The following ZBTB16 variants were observed in gnomAD, a reference collection of about 807,000 sequenced individuals.
ZBTB16 encodes the protein zinc finger and BTB domain-containing protein 16.
Under a neutral mutation model 56.8 loss-of-function variants are expected in ZBTB16, and 8 were observed. The observed-to-expected ratio is 0.14, with a 90% CI of 0.08 to 0.25. The LOEUF is 0.25. Ranked by LOEUF, ZBTB16 falls within the 10% of genes least tolerant of loss-of-function variation. The probability of loss-of-function intolerance (pLI) is 1.00; values close to 1 mark genes in which losing one functional copy is unlikely to be tolerated. For synonymous variants in ZBTB16, 363 were observed against 368.5 expected (o/e 0.98, Z 0.17); for missense variants, 625 against 903.0 (o/e 0.69, Z 3.95).
chr11:114,084,855 A>AT (rs1374998006), intron 2 of ZBTB16, among the ~76,000 whole-genome samples: 1 of 152,212 alleles, frequency 6.6e-6, no homozygotes, highest in Admixed American at 6.5e-5. Context: ...TAAATCCTGC[A>AT]TCCCGTTTTT....
intron 2 of ZBTB16, among the ~76,000 whole-genome samples, chr11:114,153,355 A>G (rs910112265): frequency 6.6e-6 from 1 of 152,214 alleles, no homozygotes; most frequent in Admixed American, 6.5e-5. Context: ...CTTGTACTTC[A>G]TGTGAAATCA....
At position 114,235,069 on chromosome 11, in the gene ZBTB16, T is replaced by C. The variant is rs150235405; in HGVS notation, c.1454-7098T>C. On this transcript the variant is annotated intron_variant, in intron 4 of 6. Transcript: ENST00000335953. Reference sequence around the variant, plus strand: ...GGCTGGGGGTGGAGGGAGGGGGAAGTTTCTAGTTTAAATCAAGGTTTTCAC... The same window carrying C: ...GGCTGGGGGTGGAGGGAGGGGGAAGCTTCTAGTTTAAATCAAGGTTTTCAC... 3.9e-4 allele frequency among the ~76,000 whole-genome samples: 59 copies of C among 152,060 alleles called. 1 individual carries two copies. Among genetic ancestry groups the C allele is most frequent in the Admixed American group, 2.4e-3 (36 of 15,290 alleles).
At chr11:114,065,331 T>C (rs1939073744) in intron 2 of ZBTB16, among the ~76,000 whole-genome samples, 1 of 152,236 alleles carries the variant, frequency 6.6e-6, no homozygotes, top group African/African-American at 2.4e-5. Context: ...AACCATTCAT[T>C]GAGCTCTTAT....
intron 3 of ZBTB16, among the ~76,000 whole-genome samples, chr11:114,156,647 G>C (rs586486): frequency 0.3 from 46,296 of 152,066 alleles, 10,595 homozygotes; most frequent in African/African-American, 0.64. Flanking sequence ...TCAAGCTCTC[G>C]TGGGTTTCCC....
chr11:114,241,592 A>G (rs547516811), intron 4 of ZBTB16, among the ~76,000 whole-genome samples: 1 of 152,310 alleles, frequency 6.6e-6, no homozygotes, highest in African/African-American at 2.4e-5. Context: ...ATTGCCTTCC[A>G]TGAAACCAGT....
chr11:114,226,976 C>T (rs1042250502), intron 4 of ZBTB16, among the ~76,000 whole-genome samples: 7 of 152,178 alleles, frequency 4.6e-5, no homozygotes, highest in African/African-American at 1.4e-4. Context: ...TGCAGCCTGA[C>T]GTTGCCTAAA....
chr11:114,221,239 T>C (rs404426), intron 4 of ZBTB16, among the ~76,000 whole-genome samples: 35,341 of 152,128 alleles, frequency 0.23, 4,991 homozygotes, highest in Middle Eastern at 0.33. Flanking sequence ...GAGAGTTTTC[T>C]TTCTATGAAG....
chr11:114,143,275 G>A lies in ZBTB16; in HGVS notation c.1269-13062G>A, dbSNP rs1039388415. Among the ~76,000 whole-genome samples the A allele has an allele frequency of 6.6e-6, 1 of 152,182 alleles. No individual in the cohort carries two copies. The highest frequency in any genetic ancestry group is 1.5e-5 in the Non-Finnish European group (1 of 68,034). ...TCCATCCACTAATGCTGTGCCCTTT[G>A]CAAGGCTTGAGAATACAAGATGAAT... On this transcript the variant is annotated intron_variant, in intron 2 of 6. Coordinates refer to ENST00000335953, the MANE Select transcript of ZBTB16 (RefSeq NM_006006.6). The surrounding 1 kb of genome is among the most constrained non-coding windows in gnomAD (Gnocchi z 6.4).
At chr11:114,178,423 C>A (rs1306738606) in intron 3 of ZBTB16, among the ~76,000 whole-genome samples, 1 of 152,176 alleles carries the variant, frequency 6.6e-6, no homozygotes, top group Non-Finnish European at 1.5e-5. Context: ...TAATTCACTT[C>A]TTCAGGGTGG....
At chr11:114,244,699 G>T (rs1338031518) in intron 5 of ZBTB16, among the ~76,000 whole-genome samples, 1 of 151,926 alleles carries the variant, frequency 6.6e-6, no homozygotes, top group African/African-American at 2.4e-5. Flanking sequence ...GCAGACTCAA[G>T]AATTTCCTAT....
At chr11:114,087,235 C>T (rs1340979751) in intron 2 of ZBTB16, among the ~76,000 whole-genome samples, 1 of 152,220 alleles carries the variant, frequency 6.6e-6, no homozygotes, top group East Asian at 1.9e-4. Context: ...GATGACCTTA[C>T]CAGTTCTCCT....
In ZBTB16 at chr11:114,156,329, C is replaced by G. The variant is rs751235828; in HGVS notation, c.1269-8C>G. On this transcript the variant is annotated splice_region_variant and splice_polypyrimidine_tract_variant and intron_variant, in intron 2 of 6. Transcript: ENST00000335953. ...CAGCAGCAACCTCTCTTTTCCTTTC[C>G]CTTACAGGAAGCTGCACAGTGGGAT... The G allele has an allele frequency of 1.9e-6, 3 of 1,614,174 alleles. No individual in the cohort carries two copies. Among genetic ancestry groups the G allele is most frequent in the Non-Finnish European group, 2.5e-6 (3 of 1,179,986 alleles).
chr11:114,142,798 T>C (rs1941990986), intron 2 of ZBTB16, among the ~76,000 whole-genome samples: 1 of 152,232 alleles, frequency 6.6e-6, no homozygotes, highest in South Asian at 2.1e-4. Context: ...AGAAAGCTTT[T>C]CATGAAGTTA....
intron 2 of ZBTB16, among the ~76,000 whole-genome samples, chr11:114,081,936 G>A (rs1052106898): frequency 4.6e-5 from 7 of 151,874 alleles, no homozygotes; most frequent in African/African-American, 1.2e-4. Flanking sequence ...GAGCAGACCC[G>A]GGTTCAGATT....
chr11:114,094,184 G>A (rs977361622), intron 2 of ZBTB16, among the ~76,000 whole-genome samples: 8 of 152,070 alleles, frequency 5.3e-5, no homozygotes, highest in Admixed American at 2.6e-4. Flanking sequence ...GTGTGGTGGC[G>A]GGCGCCTGTA....
intron 3 of ZBTB16, among the ~76,000 whole-genome samples, chr11:114,159,459 C>A (rs1392064537): frequency 6.6e-6 from 1 of 152,206 alleles, no homozygotes; most frequent in African/African-American, 2.4e-5. Context: ...TAGCTCACGG[C>A]CTATATTCTG....
At chr11:114,081,705 G>A (rs760789718) in intron 2 of ZBTB16, among the ~76,000 whole-genome samples, 1 of 152,164 alleles carries the variant, frequency 6.6e-6, no homozygotes, top group Non-Finnish European at 1.5e-5. Flanking sequence ...AGTAGCACAT[G>A]AGTAGGATAT....
intron 2 of ZBTB16, among the ~76,000 whole-genome samples, chr11:114,109,233 C>A (rs1046279009): frequency 6.6e-6 from 1 of 152,248 alleles, no homozygotes; most frequent in Non-Finnish European, 1.5e-5. Flanking sequence ...GAATTTTGTC[C>A]TAGCATTATC....
intron 3 of ZBTB16, among the ~76,000 whole-genome samples, chr11:114,170,190 C>T (rs1281017026): frequency 6.6e-6 from 1 of 152,222 alleles, no homozygotes; most frequent in Admixed American, 6.5e-5. Flanking sequence ...GTAAATTTCT[C>T]ATATAGGATT....
Sources: allele counts gnomAD v4.1 joint callset (sites outside exome capture counted in the v4.1 genomes callset), GRCh38; gene constraint gnomAD v4.1.1; non-coding constraint Gnocchi (gnomAD v3.1); transcripts MANE v1.5; gene names NCBI Gene and HGNC (gene_info 2026-07-23, HGNC 2026-07-21).